The following INPP5A variants were observed in gnomAD, a reference collection of about 807,000 sequenced individuals.
INPP5A encodes inositol polyphosphate-5-phosphatase A.
A neutral mutation model predicts 65.2 loss-of-function variants in INPP5A; 14 were observed. The observed-to-expected ratio is 0.21, with a 90% confidence interval of 0.14 to 0.34. The LOEUF (loss-of-function observed/expected upper bound fraction) is 0.34, where lower values mean the gene tolerates loss of function less well. Ranked by LOEUF, INPP5A falls within the 10% of genes least tolerant of loss-of-function variation. The pLI, the probability that INPP5A is intolerant of heterozygous loss-of-function variation, is 1.00. For synonymous variants in INPP5A, 207 were observed against 208.3 expected (o/e 0.99, Z 0.05); for missense variants, 431 against 545.6 (o/e 0.79, Z 2.09).
chr10:132,708,085 C>T (rs970390560), intron 6 of INPP5A, among the ~76,000 whole-genome samples: 1 of 152,224 alleles, frequency 6.6e-6, no homozygotes. Context: ...CTTCCCCCCA[C>T]CCCACCCCAG....
At chr10:132,602,446 A>G (rs941206418) in intron 1 of INPP5A, among the ~76,000 whole-genome samples, 1 of 152,096 alleles carries the variant, frequency 6.6e-6, no homozygotes, top group African/African-American at 2.4e-5. Context: ...GGCATGCACC[A>G]CCATGCCTGG....
rs73395322 is a variant in INPP5A at position 132,538,328 on chromosome 10, G to C, written c.75+157G>C. On this transcript the variant is annotated intron_variant, in intron 1 of 15. Coordinates refer to ENST00000368594, the MANE Select transcript of INPP5A (RefSeq NM_005539.5). This position sits in a 1 kb window ranked among gnomAD's most constrained non-coding sequence, Gnocchi z 4.1. Reference sequence around the variant, plus strand: ...ACCCGGGACCCCAGACTCCTGTCCTGATTCCCAAGTCTGGGAGCCCAGACC... The same window carrying C: ...ACCCGGGACCCCAGACTCCTGTCCTCATTCCCAAGTCTGGGAGCCCAGACC... Among the ~76,000 whole-genome samples the C allele has an allele frequency of 2.8e-3, 433 of 152,082 alleles. 1 individual carries two copies. The highest frequency in any genetic ancestry group is 1.0e-2 in the African/African-American group (413 of 41,490).
chr10:132,721,211 T>G (rs1845870912), intron 8 of INPP5A, among the ~76,000 whole-genome samples: 1 of 145,044 alleles, frequency 6.9e-6, no homozygotes, highest in African/African-American at 2.6e-5. Flanking sequence ...TGGGGGCGCC[T>G]TAGACTGCTG....
chr10:132,677,467 G>T (rs2072981634), intron 4 of INPP5A, among the ~76,000 whole-genome samples: 1 of 152,228 alleles, frequency 6.6e-6, no homozygotes, highest in African/African-American at 2.4e-5. Flanking sequence ...GCAAGGGTGG[G>T]TGTCCTTAGA....
intron 1 of INPP5A, among the ~76,000 whole-genome samples, chr10:132,598,186 T>C (rs1433689839): frequency 6.6e-6 from 1 of 152,224 alleles, no homozygotes; most frequent in Non-Finnish European, 1.5e-5. Context: ...AGTGTGTGGC[T>C]CGGCTGCTTG....
intron 3 of INPP5A, among the ~76,000 whole-genome samples, chr10:132,646,201 C>T (rs1285763524): frequency 2.6e-5 from 4 of 152,272 alleles, no homozygotes; most frequent in East Asian, 3.9e-4. Context: ...CTCCACACGG[C>T]GAGGGTCTGT....
chr10:132,659,948 G>A lies in INPP5A; in HGVS notation c.306+9443G>A, dbSNP rs989774067. Among the ~76,000 whole-genome samples, 2 of 152,246 alleles carry A rather than the reference G, an allele frequency of 1.3e-5. No individual in the cohort carries two copies. The highest frequency in any genetic ancestry group is 4.8e-5 in the African/African-American group (2 of 41,460). On this transcript the variant is annotated intron_variant, in intron 4 of 15. Transcript: ENST00000368594. This position sits in a 1 kb window ranked among gnomAD's most constrained non-coding sequence, Gnocchi z 5.5. ...ACATGTGACATACAACACATGACACGCGGCATACTCCCTGTGACATGGCAC... is the reference window on the plus strand; with the variant it reads ...ACATGTGACATACAACACATGACACACGGCATACTCCCTGTGACATGGCAC...
In INPP5A at chr10:132,663,014, T is replaced by C. The variant is rs555904436; in HGVS notation, c.306+12509T>C. ...AAAATCTAGTCTTGTGGTGGATGGC[T>C]TGTGAGGGGTCAAACTGCAGATTTA... On this transcript the variant is annotated intron_variant, in intron 4 of 15. Transcript: ENST00000368594. The surrounding 1 kb of genome is among the most constrained non-coding windows in gnomAD (Gnocchi z 4.5). Among the ~76,000 whole-genome samples, 1 of 152,154 alleles carries C rather than the reference T, an allele frequency of 6.6e-6. No homozygotes were observed. The highest frequency in any genetic ancestry group is 2.4e-5 in the African/African-American group (1 of 41,434).
At chr10:132,539,906 A>G (rs1042808414) in intron 1 of INPP5A, among the ~76,000 whole-genome samples, 10 of 152,090 alleles carry the variant, frequency 6.6e-5, no homozygotes, top group African/African-American at 2.4e-4. Context: ...TCTTATTTTA[A>G]CTTCCAGGTG....
intron 1 of INPP5A, among the ~76,000 whole-genome samples, chr10:132,581,567 A>G (rs1267817348): frequency 1.3e-5 from 2 of 151,910 alleles, no homozygotes; most frequent in African/African-American, 4.8e-5. Context: ...TTGTTTTTTC[A>G]GTTTTAGCTC....
In INPP5A at chr10:132,542,587, T is replaced by TG. The variant is rs919791899; in HGVS notation, c.75+4423dup. Among the ~76,000 whole-genome samples, 12 of 152,132 alleles carry TG rather than the reference T, an allele frequency of 7.9e-5. No homozygotes were observed. The South Asian group carries it at 1.9e-3, about 24-fold the overall frequency. On this transcript the variant is annotated intron_variant, in intron 1 of 15. Transcript: ENST00000368594. ...CTACCGTGGCAGCCCTCGAGTGGGG[T>TG]GGGGGGGTCTCCCCTCCATGTCCTT...
chr10:132,710,575 TG>T, intron 8 of INPP5A, 119 bp downstream of exon 8: 1 of 1,334,040 alleles, frequency 7.5e-7, no homozygotes, highest in Non-Finnish European at 1.0e-6. Flanking sequence ...TCGGTGTGGG[TG>T]GACAGGTAGG....
chr10:132,747,169 A>T (rs1846385190), intron 9 of INPP5A, among the ~76,000 whole-genome samples: 1 of 152,256 alleles, frequency 6.6e-6, no homozygotes, highest in Non-Finnish European at 1.5e-5. Context: ...CAGGGAAAGC[A>T]GCTTAAGCCA....
intron 11 of INPP5A, among the ~76,000 whole-genome samples, chr10:132,752,065 C>A (rs78536552): frequency 2.4e-5 from 1 of 41,192 alleles, no homozygotes; most frequent in African/African-American, 8.9e-5. Context: ...GCCCAGGAGG[C>A]GTCTGGGTGG....
intron 9 of INPP5A, among the ~76,000 whole-genome samples, chr10:132,744,079 G>A (rs919038176): frequency 2.0e-5 from 3 of 152,264 alleles, no homozygotes; most frequent in Non-Finnish European, 4.4e-5. Flanking sequence ...AGGAGTGGCC[G>A]GCTCTGGCCA....
chr10:132,537,942 G>C lies in INPP5A; in HGVS notation c.-155G>C, dbSNP rs2070859545. ...GAGCGCGAGGCCGGAGCCCCGGCCAGGCCCGGCCGACCCGCCGAGCCCGCG... is the reference window on the plus strand; with the variant it reads ...GAGCGCGAGGCCGGAGCCCCGGCCACGCCCGGCCGACCCGCCGAGCCCGCG... On this transcript the variant is annotated 5_prime_UTR_variant, in exon 1 of 16. Transcript: ENST00000368594. 1 of 163,006 alleles carries C rather than the reference G, an allele frequency of 6.1e-6. No individual in the cohort carries two copies. 10.1% of individuals were successfully genotyped at this position (163,006 alleles called of 1,614,324 possible).
At position 132,722,204 on chromosome 10, in the gene INPP5A, T is replaced by A. The variant is rs1845897507; in HGVS notation, c.648-4617T>A. On this transcript the variant is annotated intron_variant, in intron 8 of 15. Transcript: ENST00000368594. Reference sequence around the variant, plus strand: ...TAGCAGAGAAACAAACCAACTTTAATAGATTCCCAATTGTACACAACTTAG... The same window carrying A: ...TAGCAGAGAAACAAACCAACTTTAAAAGATTCCCAATTGTACACAACTTAG... Among the ~76,000 whole-genome samples the A allele has an allele frequency of 2.6e-5, 4 of 152,234 alleles. No homozygotes were observed. The South Asian group carries it at 8.3e-4, about 32-fold the overall frequency.
rs1371042979 is a variant in INPP5A at position 132,547,440 on chromosome 10, C to CA, written c.75+9269_75+9270insA. Among the ~76,000 whole-genome samples the CA allele has an allele frequency of 1.3e-5, 2 of 152,182 alleles. No homozygotes were observed. The highest frequency in any genetic ancestry group is 2.9e-5 in the Non-Finnish European group (2 of 68,020). On this transcript the variant is annotated intron_variant, in intron 1 of 15. Coordinates refer to ENST00000368594, the MANE Select transcript of INPP5A (RefSeq NM_005539.5). The surrounding 1 kb of genome is among the most constrained non-coding windows in gnomAD (Gnocchi z 5.5). ...CGTGGCCCAGGCTGAGCAGTGCACTCGGCTGCCTAGGTGGTGTGAGGTTCT... is the reference window on the plus strand; with the variant it reads ...CGTGGCCCAGGCTGAGCAGTGCACTCAGGCTGCCTAGGTGGTGTGAGGTTCT...
intron 4 of INPP5A, among the ~76,000 whole-genome samples, chr10:132,683,163 A>G (rs2073072286): frequency 6.9e-6 from 1 of 145,224 alleles, no homozygotes; most frequent in South Asian, 2.2e-4. Flanking sequence ...TGTATTATAT[A>G]CATATGTATG....
Sources: allele counts gnomAD v4.1 joint callset (sites outside exome capture counted in the v4.1 genomes callset), GRCh38; gene constraint gnomAD v4.1.1; non-coding constraint Gnocchi (gnomAD v3.1); transcripts MANE v1.5; gene names NCBI Gene and HGNC (gene_info 2026-07-23, HGNC 2026-07-21).